The following CACNA1G variants were observed in gnomAD, a reference collection of about 807,000 sequenced individuals.
CACNA1G encodes the protein voltage-dependent T-type calcium channel subunit alpha-1G.
Under a neutral mutation model 219.4 loss-of-function variants are expected in CACNA1G, and 67 were observed. The ratio of observed to expected loss-of-function variants is 0.31; its 90% confidence interval spans 0.25 to 0.37. The LOEUF is 0.37. Ranked by LOEUF, CACNA1G falls within the 10% of genes least tolerant of loss-of-function variation. CACNA1G has a pLI of 1.00. For synonymous variants in CACNA1G, 1,296 were observed against 1,345.3 expected, an observed-to-expected ratio of 0.96 and a Z score of 0.80; for missense variants, 2,380 against 3,231.4, an observed-to-expected ratio of 0.74 and a Z score of 6.39.
intron 1 of CACNA1G, 91 bp downstream of exon 1, chr17:50,561,792 G>C (rs2035701441): frequency 2.4e-6 from 3 of 1,270,114 alleles, no homozygotes; most frequent in African/African-American, 1.6e-5. Flanking sequence ...CCCACCGCCA[G>C]GTGAGTCGAA....
chr17:50,589,894 TTCTCTCTC>T (rs35679930), intron 9 of CACNA1G, among the ~76,000 whole-genome samples: 1 of 138,834 alleles, frequency 7.2e-6, no homozygotes, highest in Non-Finnish European at 1.5e-5. Context: ...GCGTGCATTT[TTCTCTCTC>T]TCTCTCTCTC....
In CACNA1G at chr17:50,596,964, C is replaced by T. The variant is rs1187151119; in HGVS notation, c.3258+41C>T. On this transcript the variant is annotated intron_variant, in intron 16 of 37. Coordinates refer to ENST00000359106, the MANE Select transcript of CACNA1G (RefSeq NM_018896.5). The surrounding 1 kb of genome is among the most constrained non-coding windows in gnomAD (Gnocchi z 4.8). ...GGGTACCCTGATGGTGGGAGATATT[C>T]CAAGGAGGACAGGAGGAAGAGAGGA... The T allele has an allele frequency of 6.8e-7, 1 of 1,468,702 alleles. No homozygotes were observed. The highest frequency in any genetic ancestry group is 9.1e-7 in the Non-Finnish European group (1 of 1,100,306). The allele number at this position is 1,468,702 out of a possible 1,614,324, so 91.0% of individuals were successfully genotyped here.
At chr17:50,619,881 G>T in intron 34 of CACNA1G, 55 bp downstream of exon 34, 1 of 1,495,080 alleles carries the variant, frequency 6.7e-7, no homozygotes, top group South Asian at 1.3e-5. Context: ...GCTGTGCCAC[G>T]CTGTGCCATG....
At chr17:50,584,226 T>G (rs1382665163) in intron 9 of CACNA1G, among the ~76,000 whole-genome samples, 1 of 152,040 alleles carries the variant, frequency 6.6e-6, no homozygotes, top group African/African-American at 2.4e-5. Flanking sequence ...AGAGATTGTT[T>G]AGTGTCGTCT....
intron 1 of CACNA1G, among the ~76,000 whole-genome samples, chr17:50,567,390 G>T (rs1291505661): frequency 6.6e-6 from 1 of 152,268 alleles, no homozygotes; most frequent in Non-Finnish European, 1.5e-5. Context: ...GGGGAGGGCT[G>T]TCAGGGGTTT....
At chr17:50,591,345 C>G in intron 10 of CACNA1G, 90 bp from the exon 11 acceptor site, 1 of 1,306,944 alleles carries the variant, frequency 7.7e-7, no homozygotes, top group African/African-American at 1.5e-5. Context: ...CCCACCCAGC[C>G]AGGCCCTTGG....
At chr17:50,606,191 C>A (rs1421396230) in intron 23 of CACNA1G, 168 bp downstream of exon 23, 3 of 963,340 alleles carry the variant, frequency 3.1e-6, no homozygotes, top group East Asian at 4.8e-5. Context: ...CCAGTCCATC[C>A]CACAGTGCCC....
intron 9 of CACNA1G, among the ~76,000 whole-genome samples, chr17:50,583,361 T>A (rs2145187504): frequency 6.6e-6 from 1 of 152,314 alleles, no homozygotes; most frequent in East Asian, 1.9e-4. Context: ...AGGCATCCCC[T>A]GGCTCCAGGC....
chr17:50,564,163 T>TGTGTGTGTGTGTGTGTGTGTG (rs1249645068), intron 1 of CACNA1G, among the ~76,000 whole-genome samples: 3 of 141,648 alleles, frequency 2.1e-5, no homozygotes, highest in African/African-American at 7.7e-5. Flanking sequence ...TGTGTGTGTG[T>TGTGTGTGTGTGTGTGTGTGTG]TGCAAGGGAG....
chr17:50,606,167 G>A (rs1214525305), intron 23 of CACNA1G, 144 bp downstream of exon 23: 3 of 1,197,756 alleles, frequency 2.5e-6, no homozygotes, highest in South Asian at 1.2e-5. Flanking sequence ...CTAACCACCA[G>A]CATGTCGCAA....
chr17:50,602,414 C>T (rs917870752), intron 19 of CACNA1G, among the ~76,000 whole-genome samples: 1 of 152,216 alleles, frequency 6.6e-6, no homozygotes, highest in Non-Finnish European at 1.5e-5. Flanking sequence ...CTGGGGTGCA[C>T]AGCAGGAAAG....
chr17:50,619,252 C>A (rs1320036472), intron 33 of CACNA1G, among the ~76,000 whole-genome samples: 1 of 152,302 alleles, frequency 6.6e-6, no homozygotes, highest in Admixed American at 6.5e-5. Context: ...CCAGCCTGGT[C>A]TGGCCTCCCC....
rs1463399337 is a variant in CACNA1G, at chr17:50,572,871, C to T, written c.1047+17C>T. The T allele has an allele frequency of 6.2e-7, 1 of 1,606,894 alleles. No homozygotes were observed. ...ATCTTCCAGGTGGGGCAGCCTGGGCCCCGGGAGCTTCCCCAGAACACCAGC... is the reference window on the plus strand; with the variant it reads ...ATCTTCCAGGTGGGGCAGCCTGGGCTCCGGGAGCTTCCCCAGAACACCAGC... On this transcript the variant is annotated intron_variant, in intron 6 of 37. Transcript: ENST00000359106.
At position 50,572,675 on chromosome 17, in the gene CACNA1G, G is replaced by A. The variant is rs766099998; in HGVS notation, c.868G>A (p.Gly290Arg). The A allele has an allele frequency of 3.1e-5, 50 of 1,611,626 alleles. No individual in the cohort carries two copies. The Middle Eastern group carries it at 4.9e-4, about 16-fold the overall frequency. The part of the protein sequence containing the change: ...RSCRSVPTLR[G>R]DGGGGPPCGL... ...CTGCAGAAGCGTGCCCACGCTGCGC[G>A]GGGACGGGGGCGGTGGCCCACCTTG... Residue 290 changes from glycine (G) to arginine (R), a missense_variant, in exon 6 of 38, where the codon GGG (glycine) becomes AGG (arginine). Transcript: ENST00000359106.
Position 50,604,318 on chromosome 17 carries a change from C to T in CACNA1G, c.4296+37C>T, listed in dbSNP as rs200294081. On this transcript the variant is annotated intron_variant, in intron 22 of 37. Transcript: ENST00000359106. The stretch of plus-strand genomic sequence containing the variant: ...TCTGGGGGCCAGCTGTGGGTGAAAG[C>T]CTGAAGAGGGCCCTTCCCCTTGGCC... The T allele has an allele frequency of 2.4e-4, 387 of 1,605,784 alleles. 2 individuals are homozygous for T. The African/African-American group carries it at 4.9e-3, about 20-fold the overall frequency.
chr17:50,561,090 T>C lies in CACNA1G; in HGVS notation c.-370T>C, dbSNP rs746019689. The C allele has an allele frequency of 1.2e-5, 5 of 403,180 alleles. No homozygotes were observed. The highest frequency in any genetic ancestry group is 4.5e-5 in the African/African-American group (2 of 44,166). The allele number at this position is 403,180 out of a possible 1,614,324, so 25.0% of individuals were successfully genotyped here. On this transcript the variant is annotated 5_prime_UTR_variant, in exon 1 of 38. Transcript: ENST00000359106. ...CCCCCGCCCTCCGCCGCTGCCCCCC[T>C]TTTCGTTCGCCCTCTCGGGGCGGCT...
chr17:50,615,631 A>G lies in CACNA1G; in HGVS notation c.4911+119A>G, dbSNP rs1045807423. 14 of 1,069,188 alleles carry G rather than the reference A, an allele frequency of 1.3e-5. No individual in the cohort carries two copies. In the Admixed American group the frequency reaches 3.6e-4, roughly 27 times the overall value. The allele number at this position is 1,069,188 out of a possible 1,614,324, so 66.2% of individuals were successfully genotyped here. ...GCCAAGCAAGTGCTAGGCACACTAC[A>G]TGGGTTCCTCTTGTGCCCCTTGGAG... On this transcript the variant is annotated intron_variant, in intron 27 of 37. Coordinates refer to ENST00000359106, the MANE Select transcript of CACNA1G (RefSeq NM_018896.5).
At chr17:50,590,666 G>A in intron 10 of CACNA1G, 44 bp downstream of exon 10, 1 of 1,593,198 alleles carries the variant, frequency 6.3e-7, no homozygotes. Context: ...AGGAATGGTA[G>A]CAGGGGTGGC....
chr17:50,601,190 C>T lies in CACNA1G; in HGVS notation c.3915+16C>T, dbSNP rs777336021. 1.6e-5 allele frequency: 26 copies of T among 1,613,094 alleles called. No homozygotes were observed. Among genetic ancestry groups the T allele is most frequent in the East Asian group, 1.1e-4 (5 of 44,884 alleles). The stretch of plus-strand genomic sequence containing the variant: ...CCACAGCGCTGTGAGTCACCAGCCC[C>T]GCTCAGGGCAAGGCCTCTCCTGGGG... On this transcript the variant is annotated intron_variant, in intron 19 of 37. Transcript: ENST00000359106.
Sources: allele counts gnomAD v4.1 joint callset (sites outside exome capture counted in the v4.1 genomes callset), GRCh38; gene constraint gnomAD v4.1.1; non-coding constraint Gnocchi (gnomAD v3.1); transcripts MANE v1.5; gene names NCBI Gene and HGNC (gene_info 2026-07-23, HGNC 2026-07-21).